The following FRMD5 variants were observed in gnomAD, a reference collection of about 807,000 sequenced individuals.
FRMD5 encodes the protein FERM domain containing 5, also known as FERM domain-containing protein 5.
In FRMD5, 20 loss-of-function variants were observed where a neutral mutation model predicts 69.0. The observed-to-expected ratio is 0.29, with a 90% CI of 0.20 to 0.42. The LOEUF (loss-of-function observed/expected upper bound fraction) is 0.42. Ranked by LOEUF, FRMD5 falls within the 10% of genes least tolerant of loss-of-function variation. The probability of loss-of-function intolerance (pLI) is 1.00; values close to 1 mark genes in which losing one functional copy is unlikely to be tolerated. For missense variants in FRMD5, 595 were observed against 708.6 expected (o/e 0.84, Z 1.82); for synonymous variants, 271 against 260.1 (o/e 1.04, Z -0.40).
chr15:43,990,151 TGTC>T (rs1303580604), intron 1 of FRMD5: 1 of 586,518 alleles, frequency 1.7e-6, no homozygotes. Flanking sequence ...CCAGAGCCAT[TGTC>T]GACGACAAGC....
chr15:44,113,279 C>A (rs1159790182), intron 1 of FRMD5, among the ~76,000 whole-genome samples: 1 of 152,226 alleles, frequency 6.6e-6, no homozygotes, highest in Non-Finnish European at 1.5e-5. Flanking sequence ...TCTCATTTCG[C>A]ATCACTAAGT....
At chr15:43,941,487 C>A (rs1295821208) in intron 1 of FRMD5, among the ~76,000 whole-genome samples, 1 of 152,144 alleles carries the variant, frequency 6.6e-6, no homozygotes, top group Non-Finnish European at 1.5e-5. Context: ...CTGGACATAA[C>A]CCTGTCAATA....
chr15:43,946,169 C>T (rs1310038586), intron 1 of FRMD5, among the ~76,000 whole-genome samples: 1 of 152,164 alleles, frequency 6.6e-6, no homozygotes, highest in East Asian at 1.9e-4. Flanking sequence ...TTATCTCTCT[C>T]TTCTTTTAAA....
chr15:44,139,099 T>G (rs1465875888), intron 1 of FRMD5, among the ~76,000 whole-genome samples: 1 of 152,110 alleles, frequency 6.6e-6, no homozygotes, highest in Non-Finnish European at 1.5e-5. Context: ...ACACTTTAAA[T>G]GGGTGAATCG....
intron 1 of FRMD5, among the ~76,000 whole-genome samples, chr15:44,128,524 C>T (rs2077054444): frequency 6.6e-6 from 1 of 152,080 alleles, no homozygotes; most frequent in Non-Finnish European, 1.5e-5. Flanking sequence ...AAAGTAGTAT[C>T]ATTGAGAAAG....
chr15:43,954,585 G>T (rs1443139260), intron 1 of FRMD5, among the ~76,000 whole-genome samples: 3 of 152,184 alleles, frequency 2.0e-5, no homozygotes, highest in Non-Finnish European at 4.4e-5. Context: ...GGGGAAAGGG[G>T]TTGACTCATC....
At chr15:44,038,687 G>A (rs1172551686) in intron 1 of FRMD5, among the ~76,000 whole-genome samples, 2 of 151,976 alleles carry the variant, frequency 1.3e-5, no homozygotes, top group Admixed American at 6.6e-5. Flanking sequence ...TGGACAGTGG[G>A]TGCAGCCCAC....
intron 1 of FRMD5, among the ~76,000 whole-genome samples, chr15:43,942,800 C>A (rs577557357): frequency 1.0e-3 from 158 of 152,306 alleles, no homozygotes; most frequent in South Asian, 2.1e-3. Context: ...TGCTCTGTCA[C>A]CCAGGCTGCA....
chr15:43,919,056 GC>G (rs1933295120), intron 4 of FRMD5: 1 of 318,988 alleles, frequency 3.1e-6, no homozygotes, highest in Non-Finnish European at 6.3e-6. Context: ...TCAGTGTTAT[GC>G]CTTTGGCATT....
chr15:43,920,970 G>C (rs999877527), intron 2 of FRMD5, among the ~76,000 whole-genome samples: 1 of 152,212 alleles, frequency 6.6e-6, no homozygotes, highest in Admixed American at 6.5e-5. Flanking sequence ...GACCCACTAA[G>C]AGCCAGTTCT....
chr15:44,040,445 C>T (rs1269803511), intron 1 of FRMD5, among the ~76,000 whole-genome samples: 1 of 152,134 alleles, frequency 6.6e-6, no homozygotes, highest in African/African-American at 2.4e-5. Context: ...AATGGAAACC[C>T]ATCAGACTAA....
chr15:44,170,698 C>G (rs1235117233), intron 1 of FRMD5, among the ~76,000 whole-genome samples: 1 of 152,104 alleles, frequency 6.6e-6, no homozygotes, highest in Non-Finnish European at 1.5e-5. Context: ...AGCTGAGTCT[C>G]TGAACCCTGC....
chr15:44,016,650 G>A (rs1477237679), intron 1 of FRMD5, among the ~76,000 whole-genome samples: 1 of 151,916 alleles, frequency 6.6e-6, no homozygotes. Context: ...TTGAACCCGG[G>A]AGGTGGAGGC....
At chr15:44,126,612 T>G (rs1323994651) in intron 1 of FRMD5, among the ~76,000 whole-genome samples, 1 of 152,154 alleles carries the variant, frequency 6.6e-6, no homozygotes, top group Non-Finnish European at 1.5e-5. Context: ...AATCTGAGTT[T>G]CACATTCTTA....
chr15:43,920,440 A>G (rs1268545838), intron 2 of FRMD5, among the ~76,000 whole-genome samples: 2 of 152,226 alleles, frequency 1.3e-5, no homozygotes, highest in Non-Finnish European at 2.9e-5. Context: ...ATAACTAACC[A>G]CAACCAACGT....
In FRMD5 at chr15:43,989,943, G is replaced by A. The variant is rs770725557; in HGVS notation, c.103-65634C>T. On this transcript the variant is annotated intron_variant, in intron 1 of 13. Coordinates refer to ENST00000417257, the MANE Select transcript of FRMD5 (RefSeq NM_032892.5). The stretch of plus-strand genomic sequence containing the variant: ...TGTGGTGCCAGATCTTCTCCATGTC[G>A]TCCCAGGTGGTGACAATGTCCTGCT... The A allele has an allele frequency of 1.2e-4, 140 of 1,135,398 alleles. 2 individuals carry two copies. The highest frequency in any genetic ancestry group is 8.4e-4 in the African/African-American group (55 of 65,452). 70.3% of individuals were successfully genotyped at this position (1,135,398 alleles called of 1,614,324 possible).
intron 1 of FRMD5, among the ~76,000 whole-genome samples, chr15:44,189,907 ACAC>A (rs1379508332): frequency 6.6e-6 from 1 of 152,156 alleles, no homozygotes; most frequent in Non-Finnish European, 1.5e-5. Flanking sequence ...CTTAGGGGAA[ACAC>A]CATTCTCCCT....
intron 1 of FRMD5, among the ~76,000 whole-genome samples, chr15:44,036,062 T>C (rs1435657446): frequency 1.3e-5 from 2 of 152,174 alleles, no homozygotes; most frequent in Non-Finnish European, 1.5e-5. Context: ...CTGCGTCATA[T>C]GTCACAAAAA....
intron 4 of FRMD5, among the ~76,000 whole-genome samples, chr15:43,916,884 T>C (rs1462113391): frequency 6.6e-6 from 1 of 151,786 alleles, no homozygotes; most frequent in Non-Finnish European, 1.5e-5. Flanking sequence ...GTTCAAGCGA[T>C]TCTCCTGTCT....
Sources: gnomAD v4.1 joint callset for allele counts (sites outside exome capture counted in the v4.1 genomes callset) on GRCh38, gnomAD v4.1.1 for gene constraint, MANE v1.5 for transcripts, NCBI Gene and HGNC (gene_info 2026-07-23, HGNC 2026-07-21) for gene names.